PTPRD: variants seen among roughly 807,000 people sequenced by gnomAD.
The protein encoded by PTPRD is receptor-type tyrosine-protein phosphatase delta.
PTPRD carries 34 observed loss-of-function variants against 214.5 expected under a neutral mutation model. The ratio of observed to expected loss-of-function variants is 0.16; its 90% CI spans 0.12 to 0.21. The LOEUF (loss-of-function observed/expected upper bound fraction) is 0.21, where lower values mean the gene tolerates loss of function less well. PTPRD is among the 10% of genes least tolerant of loss of function. PTPRD has a pLI of 1.00. For synonymous variants in PTPRD, 1,128 were observed against 845.7 expected, an observed-to-expected ratio of 1.33 and a Z score of -5.79; for missense variants, 2,545 against 2,398.7, an observed-to-expected ratio of 1.06 and a Z score of -1.27.
At chr9:10,202,842 G>C (rs1005583142) in intron 3 of PTPRD, among the ~76,000 whole-genome samples, 1 of 151,682 alleles carries the variant, frequency 6.6e-6, no homozygotes, top group Non-Finnish European at 1.5e-5. Flanking sequence ...CCAATGTGAG[G>C]ATACAAGGAA....
At chr9:10,039,564 C>G (rs1052065773) in intron 3 of PTPRD, among the ~76,000 whole-genome samples, 5 of 151,936 alleles carry the variant, frequency 3.3e-5, no homozygotes, top group African/African-American at 1.2e-4. Flanking sequence ...AAAACATTTT[C>G]CTTATATAAA....
chr9:8,540,339 C>T (rs1056330121), intron 14 of PTPRD, among the ~76,000 whole-genome samples: 20 of 152,036 alleles, frequency 1.3e-4, no homozygotes, highest in Non-Finnish European at 2.2e-4. Context: ...GACACTCCAA[C>T]TGTTATTACC....
At position 8,503,081 on chromosome 9, in the gene PTPRD, G is replaced by A. The variant is rs543539904; in HGVS notation, c.1822+1180C>T. Among the ~76,000 whole-genome samples the A allele has an allele frequency of 4.8e-3, 727 of 151,952 alleles. 6 individuals are homozygous for A. The highest frequency in any genetic ancestry group is 6.4e-3 in the Non-Finnish European group (436 of 67,890). ...GAAAGAAAATTTTATGGGAATAAACGATAATCACTAATAGATTAAACATGA... is the reference window on the plus strand; with the variant it reads ...GAAAGAAAATTTTATGGGAATAAACAATAATCACTAATAGATTAAACATGA... On this transcript the variant is annotated intron_variant, in intron 23 of 45. Coordinates refer to ENST00000381196, the MANE Select transcript of PTPRD (RefSeq NM_002839.4).
chr9:9,722,209 A>G (rs749609756), intron 7 of PTPRD, among the ~76,000 whole-genome samples: 6 of 151,996 alleles, frequency 3.9e-5, no homozygotes, highest in African/African-American at 1.4e-4. Flanking sequence ...TAAATCCCCA[A>G]AAGAAATCCT....
In PTPRD at chr9:8,496,834, G is replaced by A. The variant is rs1351577258; in HGVS notation, c.2349+408C>T. Among the ~76,000 whole-genome samples, 5 of 152,162 alleles carry A rather than the reference G, an allele frequency of 3.3e-5. No individual in the cohort carries two copies. In the East Asian group the frequency reaches 9.6e-4, roughly 29 times the overall value. On this transcript the variant is annotated intron_variant, in intron 26 of 45. Transcript: ENST00000381196. ...TGTAAACTTTCTTAAAACATTATGA[G>A]ATTTTTTTCTGTTTTAGCTCATCAG...
chr9:9,102,491 T>C (rs1258441784), intron 10 of PTPRD, among the ~76,000 whole-genome samples: 1 of 152,190 alleles, frequency 6.6e-6, no homozygotes, highest in East Asian at 1.9e-4. Flanking sequence ...CTTCAGCCAT[T>C]TGGCGTTCAG....
chr9:8,794,812 C>T (rs2096360912), intron 11 of PTPRD, among the ~76,000 whole-genome samples: 2 of 151,318 alleles, frequency 1.3e-5, no homozygotes, highest in South Asian at 4.2e-4. Flanking sequence ...AGCAACAATG[C>T]AATGACTCAG....
At chr9:10,199,744 T>C (rs1439000095) in intron 3 of PTPRD, among the ~76,000 whole-genome samples, 2 of 151,984 alleles carry the variant, frequency 1.3e-5, no homozygotes, top group African/African-American at 4.8e-5. Context: ...CCAAGTCTGA[T>C]TCCAAAGCCC....
At chr9:9,215,290 A>G (rs1037323475) in intron 9 of PTPRD, among the ~76,000 whole-genome samples, 2 of 152,178 alleles carry the variant, frequency 1.3e-5, no homozygotes, top group African/African-American at 4.8e-5. Flanking sequence ...TGGAGCAGTT[A>G]CATACTTGTA....
At chr9:8,705,803 G>C (rs1753279770) in intron 12 of PTPRD, among the ~76,000 whole-genome samples, 1 of 152,134 alleles carries the variant, frequency 6.6e-6, no homozygotes, top group African/African-American at 2.4e-5. Context: ...ATCTACTGCT[G>C]ATATAGTAAA....
chr9:9,819,071 G>C (rs979850449), intron 5 of PTPRD, among the ~76,000 whole-genome samples: 3 of 152,064 alleles, frequency 2.0e-5, no homozygotes, highest in African/African-American at 7.2e-5. Flanking sequence ...TTCCCTGATA[G>C]GTAGCATATA....
chr9:10,520,715 C>T (rs1000345127), intron 2 of PTPRD, among the ~76,000 whole-genome samples: 5 of 152,048 alleles, frequency 3.3e-5, no homozygotes, highest in Non-Finnish European at 7.4e-5. Flanking sequence ...TAAGTTGAAG[C>T]TAATTCTCAT....
intron 39 of PTPRD, among the ~76,000 whole-genome samples, chr9:8,348,745 G>A (rs927346565): frequency 5.3e-5 from 8 of 152,146 alleles, no homozygotes; most frequent in Non-Finnish European, 1.0e-4. Context: ...ACCTCTGGGC[G>A]TTTGTGACGC....
intron 8 of PTPRD, among the ~76,000 whole-genome samples, chr9:9,546,323 TC>T (rs1200853550): frequency 6.6e-6 from 1 of 151,756 alleles, no homozygotes; most frequent in African/African-American, 2.4e-5. Flanking sequence ...ACCTTTTATT[TC>T]CTTTTCTTGT....
At chr9:9,528,729 T>C (rs1434493707) in intron 8 of PTPRD, among the ~76,000 whole-genome samples, 2 of 151,622 alleles carry the variant, frequency 1.3e-5, no homozygotes, top group African/African-American at 4.8e-5. Context: ...AAAGGAAATA[T>C]TGCATGCAGA....
chr9:9,356,251 G>C (rs1406485400), intron 9 of PTPRD, among the ~76,000 whole-genome samples: 1 of 151,328 alleles, frequency 6.6e-6, no homozygotes, highest in African/African-American at 2.4e-5. Flanking sequence ...AGAAATAACA[G>C]CAAGTTTGTG....
intron 3 of PTPRD, among the ~76,000 whole-genome samples, chr9:10,103,317 GAGGTAAGATAGACATTGACA>G (rs2098582859): frequency 6.9e-6 from 1 of 145,954 alleles, no homozygotes; most frequent in Non-Finnish European, 1.5e-5. Flanking sequence ...CTAAAACCAG[GAGGTAAGATAGACATTGACA>G]AGATTATTGC....
intron 4 of PTPRD, among the ~76,000 whole-genome samples, chr9:9,965,194 G>C (rs946434569): frequency 2.0e-5 from 3 of 152,136 alleles, no homozygotes; most frequent in Non-Finnish European, 4.4e-5. Flanking sequence ...GGGAATGCTA[G>C]AACCATAGAA....
intron 11 of PTPRD, among the ~76,000 whole-genome samples, chr9:8,822,210 G>C (rs933176742): frequency 6.6e-6 from 1 of 152,154 alleles, no homozygotes; most frequent in Non-Finnish European, 1.5e-5. Context: ...GTCACTGAAA[G>C]TTTCCCCCAG....
Sources: gnomAD v4.1 joint callset for allele counts (sites outside exome capture counted in the v4.1 genomes callset) on GRCh38, gnomAD v4.1.1 for gene constraint, MANE v1.5 for transcripts, NCBI Gene and HGNC (gene_info 2026-07-23, HGNC 2026-07-21) for gene names.